Variants in GABRB2 observed in about 807,000 individuals in gnomAD.
GABRB2 encodes gamma-aminobutyric acid receptor subunit beta-2.
In GABRB2, 16 loss-of-function variants were observed where a neutral mutation model predicts 54.7. The observed-to-expected ratio is 0.29, with a 90% CI of 0.20 to 0.44. GABRB2 has a LOEUF of 0.44. Ranked by LOEUF, GABRB2 falls within the 20% of genes least tolerant of loss-of-function variation. GABRB2 has a pLI of 1.00. For synonymous variants in GABRB2, 244 were observed against 233.8 expected (o/e 1.04, Z -0.40); for missense variants, 355 against 644.0 (o/e 0.55, Z 4.86).
At chr5:161,318,953 T>C (rs998424174) in intron 9 of GABRB2, among the ~76,000 whole-genome samples, 3 of 151,970 alleles carry the variant, frequency 2.0e-5, no homozygotes, top group Admixed American at 6.6e-5. Flanking sequence ...ATTTTCTATA[T>C]AGGAAAAAAG....
chr5:161,413,490 C>A (rs939188274), intron 4 of GABRB2, among the ~76,000 whole-genome samples: 9 of 152,050 alleles, frequency 5.9e-5, no homozygotes, highest in African/African-American at 1.4e-4. Context: ...CACTCAAGGT[C>A]AAAAAATTAT....
chr5:161,542,696 T>A (rs1020190616), intron 3 of GABRB2, among the ~76,000 whole-genome samples: 5 of 152,352 alleles, frequency 3.3e-5, no homozygotes, highest in African/African-American at 1.2e-4. Context: ...AGACATGCTA[T>A]ATCATAAGAG....
intron 9 of GABRB2, among the ~76,000 whole-genome samples, chr5:161,303,684 C>T (rs775584628): frequency 3.9e-5 from 6 of 152,100 alleles, no homozygotes; most frequent in Non-Finnish European, 5.9e-5. Context: ...AGAAGACCTT[C>T]GAAAGCATGA....
At chr5:161,520,010 T>C (rs1169491095) in intron 3 of GABRB2, among the ~76,000 whole-genome samples, 1 of 152,160 alleles carries the variant, frequency 6.6e-6, no homozygotes, top group East Asian at 1.9e-4. Flanking sequence ...TATCCAATGT[T>C]GATACTATAT....
At chr5:161,517,023 C>A (rs1759971271) in intron 3 of GABRB2, among the ~76,000 whole-genome samples, 1 of 152,134 alleles carries the variant, frequency 6.6e-6, no homozygotes, top group South Asian at 2.1e-4. Context: ...GTCAGAGAGG[C>A]TCCTATGCCC....
rs561312027 is a variant in GABRB2, at chr5:161,470,466, T to C, written c.238-10622A>G. 2.0e-5 allele frequency among the ~76,000 whole-genome samples: 3 copies of C among 152,068 alleles called. No individual in the cohort carries two copies. In the South Asian group the frequency reaches 6.2e-4, roughly 32 times the overall value. On this transcript the variant is annotated intron_variant, in intron 3 of 9. Coordinates refer to ENST00000393959, the MANE Select transcript of GABRB2 (RefSeq NM_001371727.1). Reference sequence around the variant, plus strand: ...AACAACAATAATAAAATAGAACAACTGTAACAATATGCCAGAAGCTTTTCT... The same window carrying C: ...AACAACAATAATAAAATAGAACAACCGTAACAATATGCCAGAAGCTTTTCT...
intron 3 of GABRB2, among the ~76,000 whole-genome samples, chr5:161,520,241 C>T (rs1760074923): frequency 6.6e-6 from 1 of 152,092 alleles, no homozygotes; most frequent in Non-Finnish European, 1.5e-5. Context: ...AGCGCTGTAG[C>T]TTATAACAAC....
chr5:161,509,831 C>T lies in GABRB2; in HGVS notation c.237+35396G>A, dbSNP rs141161035. Among the ~76,000 whole-genome samples, 624 of 152,036 alleles carry T rather than the reference C, an allele frequency of 4.1e-3. 2 individuals carry two copies. Among genetic ancestry groups the T allele is most frequent in the Middle Eastern group, 0.01 (3 of 294 alleles). The stretch of plus-strand genomic sequence containing the variant: ...AAAGGCCACTATCATCTCTGCTTTG[C>T]CTCTTGAAATAGTTCCTTAAGGCCT... On this transcript the variant is annotated intron_variant, in intron 3 of 9. Transcript: ENST00000393959.
In GABRB2 at chr5:161,465,782, T is replaced by C. The variant is rs1322298428; in HGVS notation, c.238-5938A>G. ...ATATACATCATATGTTATTGTCTTT[T>C]ACATTCGTTTTAACTTTATAGTTTG... is the stretch of plus-strand genomic sequence containing the variant. On this transcript the variant is annotated intron_variant, in intron 3 of 9. Transcript: ENST00000393959. Among the ~76,000 whole-genome samples the C allele has an allele frequency of 2.0e-5, 3 of 152,176 alleles. No homozygotes were observed. In the East Asian group the frequency reaches 5.8e-4, roughly 29 times the overall value.
Position 161,331,041 on chromosome 5 carries a change from T to A in GABRB2, c.919A>T (p.Met307Leu). 6.2e-7 allele frequency: 1 copy of A among 1,614,036 alleles called. No homozygotes were observed. The highest frequency in any genetic ancestry group is 1.1e-5 in the South Asian group (1 of 91,078). ...AAGACAAAGCACCCCATCAGGTACA[T>A]GTCAATGGCCTTCACATAGGGGATT... ...PKIPYVKAIDMYLMGCFVFVF... is the reference protein window; with the variant it reads ...PKIPYVKAIDLYLMGCFVFVF... The change falls in exon 8 of 10, where the codon ATG becomes TTG. Residue 307 changes from methionine to leucine, a missense_variant. Around this residue, in one of 6 missense-constraint regions of GABRB2, gnomAD observed 25 missense variants for 137.4 expected, o/e 0.18. Coordinates refer to ENST00000393959, the MANE Select transcript of GABRB2 (RefSeq NM_001371727.1).
Position 161,504,067 on chromosome 5 carries a change from T to C in GABRB2, c.237+41160A>G, listed in dbSNP as rs76216868. ...AAAATAAATGAAGCAAAAACTTACCTATCCAAAGGGAAAAACAGAGAAAAA... is the reference window on the plus strand; with the variant it reads ...AAAATAAATGAAGCAAAAACTTACCCATCCAAAGGGAAAAACAGAGAAAAA... On this transcript the variant is annotated intron_variant, in intron 3 of 9. Coordinates refer to ENST00000393959, the MANE Select transcript of GABRB2 (RefSeq NM_001371727.1). Among the ~76,000 whole-genome samples, 845 of 152,214 alleles carry C rather than the reference T, an allele frequency of 5.6e-3. 12 individuals carry two copies. Among genetic ancestry groups the C allele is most frequent in the African/African-American group, 0.02 (812 of 41,536 alleles).
intron 3 of GABRB2, among the ~76,000 whole-genome samples, chr5:161,497,621 T>C (rs571492095): frequency 3.9e-5 from 6 of 152,090 alleles, no homozygotes; most frequent in Admixed American, 3.9e-4. Context: ...GTGATGCTGA[T>C]GAACACCTGC....
intron 3 of GABRB2, among the ~76,000 whole-genome samples, chr5:161,496,899 A>C (rs763735838): frequency 1.6e-4 from 25 of 152,250 alleles, no homozygotes; most frequent in African/African-American, 6.0e-4. Flanking sequence ...GTTTAATCAT[A>C]TATATGTATA....
chr5:161,318,388 A>G (rs946006348), intron 9 of GABRB2, among the ~76,000 whole-genome samples: 13 of 152,094 alleles, frequency 8.5e-5, no homozygotes, highest in African/African-American at 3.1e-4. Flanking sequence ...TGACTTATCT[A>G]AAATTTAATT....
At chr5:161,526,933 G>A (rs2113445104) in intron 3 of GABRB2, among the ~76,000 whole-genome samples, 1 of 151,524 alleles carries the variant, frequency 6.6e-6, no homozygotes, top group East Asian at 1.9e-4. Context: ...CCGTTGAGAA[G>A]TAAATTTCCT....
At chr5:161,472,520 C>T (rs182795674) in intron 3 of GABRB2, among the ~76,000 whole-genome samples, 44 of 135,194 alleles carry the variant, frequency 3.3e-4, no homozygotes, top group African/African-American at 1.1e-3. Flanking sequence ...AATTATTTCT[C>T]GGGTGGGGGT....
At chr5:161,466,078 T>C (rs1381610443) in intron 3 of GABRB2, among the ~76,000 whole-genome samples, 1 of 152,034 alleles carries the variant, frequency 6.6e-6, no homozygotes, top group Non-Finnish European at 1.5e-5. Flanking sequence ...TGGGTAGCAG[T>C]CAGTTTTTTT....
chr5:161,333,880 C>T (rs1023199878), intron 7 of GABRB2, among the ~76,000 whole-genome samples: 4 of 152,164 alleles, frequency 2.6e-5, no homozygotes, highest in African/African-American at 7.2e-5. Context: ...TGCCCCCTTG[C>T]TTTATATCCC....
intron 5 of GABRB2, among the ~76,000 whole-genome samples, chr5:161,403,633 T>C (rs1756267865): frequency 6.6e-6 from 1 of 152,050 alleles, no homozygotes. Flanking sequence ...GCAGAAAACG[T>C]GTAAAATAAC....
Sources: gnomAD v4.1 joint callset for allele counts (sites outside exome capture counted in the v4.1 genomes callset) on GRCh38, gnomAD v4.1.1 for gene constraint, gnomAD v4.1.1 regional missense constraint, MANE v1.5 for transcripts, NCBI Gene and HGNC (gene_info 2026-07-23, HGNC 2026-07-21) for gene names.